Variants in TRAIP observed in about 807,000 individuals in gnomAD.
TRAIP encodes TRAF interacting protein, also known as E3 ubiquitin-protein ligase TRAIP.
TRAIP carries 37 observed loss-of-function variants against 65.0 expected under a neutral mutation model. That is an observed-to-expected ratio of 0.57 (90% CI 0.44 to 0.75). TRAIP has a LOEUF of 0.75. TRAIP is among the 30% of genes least tolerant of loss of function. The pLI is 0.00. For missense variants in TRAIP, 481 were observed against 579.4 expected (o/e 0.83, Z 1.74); for synonymous variants, 187 against 219.1 (o/e 0.85, Z 1.29).
intron 1 of TRAIP, 98 bp from the exon 2 acceptor site, chr3:49,848,298 C>T: frequency 7.6e-7 from 1 of 1,322,554 alleles, no homozygotes; most frequent in Non-Finnish European, 1.1e-6. Context: ...TGTTCTGCTC[C>T]TCCTTGACCC....
In TRAIP at chr3:49,831,902, C is replaced by A. The variant is rs368644763; in HGVS notation, c.1037+14G>T. 2 of 1,544,362 alleles carry A rather than the reference C, an allele frequency of 1.3e-6. No individual in the cohort carries two copies. The highest frequency in any genetic ancestry group is 2.4e-5 in the East Asian group (1 of 41,518). On this transcript the variant is annotated intron_variant, in intron 11 of 14. Coordinates refer to ENST00000331456, the MANE Select transcript of TRAIP (RefSeq NM_005879.3). ...CCTACCAGCCCATGGACAGTGCCAG[C>A]GACTATCACTCACTGTGACTTCTCT... is the stretch of plus-strand genomic sequence containing the variant.
intron 11 of TRAIP, among the ~76,000 whole-genome samples, chr3:49,830,664 A>C (rs2081723211): frequency 1.3e-5 from 2 of 152,222 alleles, no homozygotes; most frequent in Admixed American, 1.3e-4. Context: ...CCAGCCCCAG[A>C]GCCAGAAACT....
At chr3:49,833,401 G>C (rs926814996) in intron 10 of TRAIP, among the ~76,000 whole-genome samples, 10 of 152,110 alleles carry the variant, frequency 6.6e-5, no homozygotes, top group Admixed American at 6.5e-4. Context: ...TCAAGACTCA[G>C]GAGGTTCTCA....
chr3:49,830,011 A>G lies in TRAIP; in HGVS notation c.1086+9T>C, dbSNP rs2081718618. 1.9e-6 allele frequency: 3 copies of G among 1,614,180 alleles called. No homozygotes were observed. Among genetic ancestry groups the G allele is most frequent in the Non-Finnish European group, 1.7e-6 (2 of 1,180,004 alleles). On this transcript the variant is annotated intron_variant, in intron 12 of 14. Coordinates refer to ENST00000331456, the MANE Select transcript of TRAIP (RefSeq NM_005879.3). ...AGGTTAGACTGTGCTTCTTCTAGAA[A>G]GCTCTTACCTTCCTGGGGCCTTTGC...
chr3:49,829,092 A>T lies in TRAIP; in HGVS notation c.*11T>A. On this transcript the variant is annotated 3_prime_UTR_variant, in exon 15 of 15. Transcript: ENST00000331456. ...AGGCATGTGTCTGGCCATTGGTCAGACTCACTGTTCTCACGACCACAGGAA... is the reference window on the plus strand; with the variant it reads ...AGGCATGTGTCTGGCCATTGGTCAGTCTCACTGTTCTCACGACCACAGGAA... 1 of 1,614,006 alleles carries T rather than the reference A, an allele frequency of 6.2e-7. No individual in the cohort carries two copies. The highest frequency in any genetic ancestry group is 1.1e-5 in the South Asian group (1 of 91,072).
At chr3:49,853,979 C>T (rs574328809) in intron 1 of TRAIP, among the ~76,000 whole-genome samples, 1 of 150,912 alleles carries the variant, frequency 6.6e-6, no homozygotes, top group African/African-American at 2.4e-5. Flanking sequence ...CGACACAGCA[C>T]GATCCTGTTT....
intron 3 of TRAIP, among the ~76,000 whole-genome samples, chr3:49,844,926 T>C (rs1337935805): frequency 2.6e-5 from 4 of 152,222 alleles, no homozygotes; most frequent in African/African-American, 9.6e-5. Context: ...CGCTCTATGT[T>C]GGTCTCATTC....
In TRAIP at chr3:49,829,488, C is replaced by T; in HGVS notation, c.1257G>A (p.Gly419=). ...GGATGAATTTTGTCCGGCCACCGAG[C>T]CCATCGAAGCCTGTCCTTACCTAGG... ...SKDVVRTGFD[G]LGGRTKFIQP... The change falls in exon 14 of 15, where the codon GGG becomes GGA. Residue 419 remains glycine (G), a synonymous_variant. Coordinates refer to ENST00000331456, the MANE Select transcript of TRAIP (RefSeq NM_005879.3). 1 of 1,614,062 alleles carries T rather than the reference C, an allele frequency of 6.2e-7. No individual in the cohort carries two copies. The highest frequency in any genetic ancestry group is 8.5e-7 in the Non-Finnish European group (1 of 1,180,008).
In TRAIP at chr3:49,829,613, T is replaced by G. The variant is rs1440343235; in HGVS notation, c.1236+4A>C. The G allele has an allele frequency of 6.2e-7, 1 of 1,614,048 alleles. No homozygotes were observed. Among genetic ancestry groups the G allele is most frequent in the East Asian group, 2.2e-5 (1 of 44,896 alleles). On this transcript the variant is annotated splice_donor_region_variant and intron_variant, in intron 13 of 14. Transcript: ENST00000331456. Reference sequence around the variant, plus strand: ...CTCCTGCCACTGTGGGAAGCCACACTCACCACATCTTTGCTGCAAGAGGAC... The same window carrying G: ...CTCCTGCCACTGTGGGAAGCCACACGCACCACATCTTTGCTGCAAGAGGAC...
At chr3:49,854,918 G>A (rs1420187258) in intron 1 of TRAIP, among the ~76,000 whole-genome samples, 1 of 151,280 alleles carries the variant, frequency 6.6e-6, no homozygotes, top group Non-Finnish European at 1.5e-5. Flanking sequence ...AAAAAAAATA[G>A]TCAAGCATGG....
In TRAIP at chr3:49,828,962, C is replaced by T. The variant is rs1436813246; in HGVS notation, c.*141G>A. On this transcript the variant is annotated 3_prime_UTR_variant, in exon 15 of 15. Coordinates refer to ENST00000331456, the MANE Select transcript of TRAIP (RefSeq NM_005879.3). ...CAGGAAGAGCAGTCTCTGGGTGCCA[C>T]ACTCACCCTCACCTGTTTGTCTGCC... 3.3e-6 allele frequency: 4 copies of T among 1,195,244 alleles called. No homozygotes were observed. In the African/African-American group the frequency reaches 4.5e-5, roughly 13 times the overall value. 74.0% of individuals were successfully genotyped at this position (1,195,244 alleles called of 1,614,324 possible).
At chr3:49,829,354 C>T in intron 14 of TRAIP, 104 bp downstream of exon 14, 1 of 1,611,298 alleles carries the variant, frequency 6.2e-7, no homozygotes, top group Non-Finnish European at 8.5e-7. Flanking sequence ...TGAGGCCCAG[C>T]ACTGCACACC....
At chr3:49,849,612 G>A (rs1187858808) in intron 1 of TRAIP, among the ~76,000 whole-genome samples, 6 of 151,684 alleles carry the variant, frequency 4.0e-5, no homozygotes, top group Admixed American at 6.6e-5. Flanking sequence ...GCGACAGAGC[G>A]AGACTCCATC....
At chr3:49,834,489 G>A (rs2081763692) in intron 10 of TRAIP, among the ~76,000 whole-genome samples, 1 of 152,206 alleles carries the variant, frequency 6.6e-6, no homozygotes, top group Non-Finnish European at 1.5e-5. Flanking sequence ...GAACACTGAT[G>A]AAATTGTGAG....
chr3:49,832,710 G>GGGT, intron 10 of TRAIP, among the ~76,000 whole-genome samples: 1 of 130,734 alleles, frequency 7.6e-6, no homozygotes, highest in Non-Finnish European at 1.7e-5. Context: ...CGGGGGGGGG[G>GGGT]GGGGGGTGGG....
intron 8 of TRAIP, 121 bp from the exon 9 acceptor site, chr3:49,840,494 A>T: frequency 1.3e-6 from 1 of 775,904 alleles, no homozygotes; most frequent in Admixed American, 2.3e-5. Context: ...ATGGGCAGAG[A>T]TCCCAGCTCT....
chr3:49,842,560 T>C lies in TRAIP; in HGVS notation c.409-13A>G. 1.2e-6 allele frequency: 2 copies of C among 1,612,210 alleles called. No individual in the cohort carries two copies. The highest frequency in any genetic ancestry group is 1.7e-6 in the Non-Finnish European group (2 of 1,179,520). ...ACTTCATCTGCTTCTGAAGAGCAAATACACCCATACCTGATGCTTGGAGGC... is the reference window on the plus strand; with the variant it reads ...ACTTCATCTGCTTCTGAAGAGCAAACACACCCATACCTGATGCTTGGAGGC... On this transcript the variant is annotated splice_polypyrimidine_tract_variant and intron_variant, in intron 5 of 14. Transcript: ENST00000331456.
At chr3:49,837,796 G>A (rs1257334880) in intron 10 of TRAIP, among the ~76,000 whole-genome samples, 1 of 151,878 alleles carries the variant, frequency 6.6e-6, no homozygotes, top group Non-Finnish European at 1.5e-5. Context: ...TGGTCAGGCT[G>A]GTCTCGAACT....
chr3:49,851,901 GTTAGCCAGGATGGTC>G (rs1347933288), intron 1 of TRAIP, among the ~76,000 whole-genome samples: 1 of 148,452 alleles, frequency 6.7e-6, no homozygotes, highest in Non-Finnish European at 1.5e-5. Flanking sequence ...GTTTCACCAT[GTTAGCCAGGATGGTC>G]TCGATCTCCT....
Sources: allele counts gnomAD v4.1 joint callset (sites outside exome capture counted in the v4.1 genomes callset), GRCh38; gene constraint gnomAD v4.1.1; transcripts MANE v1.5; gene names NCBI Gene and HGNC (gene_info 2026-07-23, HGNC 2026-07-21).